PKHD1: variants seen among roughly 807,000 people sequenced by gnomAD.
PKHD1 encodes PKHD1 ciliary IPT domain containing fibrocystin/polyductin.
In PKHD1, 291 loss-of-function variants were observed where a neutral mutation model predicts 412.0. The ratio of observed to expected loss-of-function variants is 0.71; its 90% CI spans 0.64 to 0.78. PKHD1 has a LOEUF of 0.78. Among genes scored for constraint, PKHD1 ranks in the 30% least tolerant of loss-of-function variants. PKHD1 has a pLI of 0.00. For missense variants in PKHD1, 4,825 were observed against 4,950.7 expected (o/e 0.97, Z 0.76); for synonymous variants, 1,777 against 1,821.5 (o/e 0.98, Z 0.62).
At chr6:51,681,502 C>T (rs1478223464) in intron 60 of PKHD1, among the ~76,000 whole-genome samples, 1 of 152,048 alleles carries the variant, frequency 6.6e-6, no homozygotes, top group Non-Finnish European at 1.5e-5. Flanking sequence ...GACCAGTAGC[C>T]TTAATCAAGC....
chr6:51,981,468 GCTACGCCTC>G (rs1795262745), intron 35 of PKHD1, among the ~76,000 whole-genome samples: 1 of 151,678 alleles, frequency 6.6e-6, no homozygotes, highest in Non-Finnish European at 1.5e-5. Flanking sequence ...GCCTCAGCCT[GCTACGCCTC>G]ACTGGTTTTC....
chr6:51,900,301 T>C (rs1472560643), intron 43 of PKHD1, among the ~76,000 whole-genome samples: 2 of 152,188 alleles, frequency 1.3e-5, no homozygotes, highest in Non-Finnish European at 2.9e-5. Context: ...CAAAACAGCA[T>C]GGTACTGGTA....
chr6:52,062,125 G>T (rs1582036358), intron 14 of PKHD1, among the ~76,000 whole-genome samples: 1 of 152,270 alleles, frequency 6.6e-6, no homozygotes, highest in Non-Finnish European at 1.5e-5. Flanking sequence ...CCTAGGCTTT[G>T]CTCCCTCATG....
At chr6:51,781,039 T>A (rs9463709) in intron 53 of PKHD1, among the ~76,000 whole-genome samples, 88,742 of 151,616 alleles carry the variant, frequency 0.59, 26,700 homozygotes, top group East Asian at 0.83. Context: ...TTAAATGGTG[T>A]TTACTTTGGA....
chr6:51,674,679 AG>A (rs764240286), intron 60 of PKHD1, among the ~76,000 whole-genome samples: 1 of 152,206 alleles, frequency 6.6e-6, no homozygotes, highest in Non-Finnish European at 1.5e-5. Context: ...CTTAAGGTTC[AG>A]GGTGATGATT....
chr6:52,068,690 T>C (rs144803207), intron 11 of PKHD1, among the ~76,000 whole-genome samples: 74 of 152,316 alleles, frequency 4.9e-4, no homozygotes, highest in Admixed American at 1.6e-3. Context: ...GCAGCTATCG[T>C]TATCACCATC....
chr6:51,980,296 C>T (rs1035232307), intron 35 of PKHD1, among the ~76,000 whole-genome samples: 2 of 152,138 alleles, frequency 1.3e-5, no homozygotes, highest in Non-Finnish European at 2.9e-5. Context: ...ATAACTCAAA[C>T]TCCTGCCACC....
At chr6:52,071,128 G>GT in intron 8 of PKHD1, 58 bp from the exon 9 acceptor site, 1 of 1,166,244 alleles carries the variant, frequency 8.6e-7, no homozygotes. Context: ...CAGAAGATCT[G>GT]ACTCTTTAAC....
chr6:52,069,507 G>C lies in PKHD1; in HGVS notation c.728C>G (p.Ala243Gly). The C allele has an allele frequency of 6.2e-7, 1 of 1,613,104 alleles. No homozygotes were observed. Residue 243 changes from alanine (A) to glycine (G), a missense_variant, in exon 11 of 67, where the codon GCA (alanine) becomes GGA (glycine). Ala to Gly is a moderately conservative substitution (Grantham distance 60, BLOSUM62 0). Coordinates refer to ENST00000371117, the MANE Select transcript of PKHD1 (RefSeq NM_138694.4). Reference sequence around the variant, plus strand: ...ATCCTGTTTAGCACTGATCAGCCATGCCTTCTTGTGGACCATTGACCTTCG... The same window carrying C: ...ATCCTGTTTAGCACTGATCAGCCATCCCTTCTTGTGGACCATTGACCTTCG... ...NKGKSMVHKK[A>G]WLISAKQDLF...
At chr6:52,040,552 C>T (rs1296664480) in intron 27 of PKHD1, among the ~76,000 whole-genome samples, 1 of 152,120 alleles carries the variant, frequency 6.6e-6, no homozygotes, top group Non-Finnish European at 1.5e-5. Context: ...TCCCCCAAGG[C>T]CATATAACTT....
intron 36 of PKHD1, among the ~76,000 whole-genome samples, chr6:51,945,297 C>G (rs1245775547): frequency 6.6e-6 from 1 of 152,140 alleles, no homozygotes; most frequent in Admixed American, 6.5e-5. Flanking sequence ...AGGCAGGGAA[C>G]AAAATCAAGG....
At chr6:51,745,962 A>G (rs2150969738) in intron 59 of PKHD1, among the ~76,000 whole-genome samples, 1 of 152,200 alleles carries the variant, frequency 6.6e-6, no homozygotes, top group Middle Eastern at 3.4e-3. Flanking sequence ...CAAACACATG[A>G]ATGTTCTAAT....
intron 60 of PKHD1, among the ~76,000 whole-genome samples, chr6:51,672,702 C>A (rs1209897269): frequency 1.3e-5 from 2 of 152,144 alleles, no homozygotes; most frequent in African/African-American, 4.8e-5. Flanking sequence ...ATACAAAGAA[C>A]TGATGATAAG....
chr6:51,619,584 G>A, intron 66 of PKHD1, 64 bp from the exon 67 acceptor site: 1 of 1,269,842 alleles, frequency 7.9e-7, no homozygotes, highest in Non-Finnish European at 1.1e-6. Context: ...TACACATTTT[G>A]CATACTTAGC....
At chr6:51,679,036 T>A (rs1483835635) in intron 60 of PKHD1, among the ~76,000 whole-genome samples, 1 of 152,088 alleles carries the variant, frequency 6.6e-6, no homozygotes, top group East Asian at 1.9e-4. Context: ...CTAAAATGAA[T>A]GTGACTGTGC....
At chr6:52,002,378 C>G (rs1170339183) in intron 35 of PKHD1, among the ~76,000 whole-genome samples, 2 of 152,196 alleles carry the variant, frequency 1.3e-5, no homozygotes, top group Non-Finnish European at 2.9e-5. Context: ...CCTATTCTGA[C>G]TAATTACCCT....
At chr6:51,695,474 G>T (rs1439814216) in intron 60 of PKHD1, among the ~76,000 whole-genome samples, 1 of 152,070 alleles carries the variant, frequency 6.6e-6, no homozygotes, top group Non-Finnish European at 1.5e-5. Context: ...AAGAAGAAGA[G>T]GAAGGAGAGG....
chr6:51,896,193 G>C (rs9349604), intron 43 of PKHD1, among the ~76,000 whole-genome samples: 106,578 of 151,904 alleles, frequency 0.7, 37,829 homozygotes, highest in East Asian at 0.94. Context: ...GCCTGCCTCT[G>C]TAGGCTCCAC....
At chr6:52,002,196 AG>A (rs5876249) in intron 35 of PKHD1, among the ~76,000 whole-genome samples, 63,085 of 152,036 alleles carry the variant, frequency 0.41, 15,127 homozygotes, top group Admixed American at 0.56. Context: ...TTGAACTTTT[AG>A]GTTTCTCCTA....
Sources: allele counts gnomAD v4.1 joint callset (sites outside exome capture counted in the v4.1 genomes callset), GRCh38; gene constraint gnomAD v4.1.1; transcripts MANE v1.5; gene names NCBI Gene and HGNC (gene_info 2026-07-23, HGNC 2026-07-21).